The following L3MBTL3 variants were observed in gnomAD, a reference collection of about 807,000 sequenced individuals.
L3MBTL3 encodes the protein lethal(3)malignant brain tumor-like protein 3.
Under a neutral mutation model 102.3 loss-of-function variants are expected in L3MBTL3, and 27 were observed. The ratio of observed to expected loss-of-function variants is 0.26; its 90% CI spans 0.19 to 0.36. L3MBTL3 has a LOEUF of 0.36. Among genes scored for constraint, L3MBTL3 ranks in the 10% least tolerant of loss-of-function variants. The probability of loss-of-function intolerance (pLI) is 1.00; values close to 1 mark genes in which losing one functional copy is unlikely to be tolerated. For missense variants in L3MBTL3, 798 were observed against 955.3 expected (o/e 0.84, Z 2.17); for synonymous variants, 340 against 320.9 (o/e 1.06, Z -0.64).
At chr6:130,058,602 CA>C (rs1781682480) in intron 9 of L3MBTL3, among the ~76,000 whole-genome samples, 1 of 152,102 alleles carries the variant, frequency 6.6e-6, no homozygotes, top group Non-Finnish European at 1.5e-5. Flanking sequence ...AAACAAAACA[CA>C]TACAAAAACA....
At position 130,133,510 on chromosome 6, in the gene L3MBTL3, C is replaced by A. The variant is rs767433382; in HGVS notation, c.2025C>A (p.Ser675=). ...QAQRRSAVFL[S]FKSPIPCLPL... ...AGCGTCGGTCAGCTGTCTTTCTGTC[C>A]TTTAAGTCCCCAATTCCATGTCTGC... The change falls in exon 21 of 23, where the codon TCC becomes TCA. Residue 675 remains serine, a synonymous_variant. Coordinates refer to ENST00000361794, the MANE Select transcript of L3MBTL3 (RefSeq NM_032438.4). This position sits in a 1 kb window ranked among gnomAD's most constrained non-coding sequence, Gnocchi z 4.9. 6.2e-7 allele frequency: 1 copy of A among 1,614,170 alleles called. No homozygotes were observed. The highest frequency in any genetic ancestry group is 1.3e-5 in the African/African-American group (1 of 75,062).
chr6:130,036,031 G>T (rs893970829), intron 2 of L3MBTL3, among the ~76,000 whole-genome samples: 1 of 151,732 alleles, frequency 6.6e-6, no homozygotes, highest in Admixed American at 6.6e-5. Context: ...GTGGAATACA[G>T]GTGGATTGTG....
chr6:130,054,242 G>A (rs973435810), intron 7 of L3MBTL3, among the ~76,000 whole-genome samples: 6 of 152,230 alleles, frequency 3.9e-5, no homozygotes, highest in African/African-American at 1.4e-4. Flanking sequence ...GTTTAGGAGA[G>A]GGTGGAGTAA....
intron 1 of L3MBTL3, among the ~76,000 whole-genome samples, chr6:130,020,034 G>A (rs1778867275): frequency 6.9e-6 from 1 of 144,698 alleles, no homozygotes; most frequent in Non-Finnish European, 1.5e-5. Context: ...CTTGTGGGGG[G>A]AGGGTGGGGG....
chr6:130,078,474 A>G (rs192465849), intron 13 of L3MBTL3, 84 bp from the exon 14 acceptor site: 14 of 918,272 alleles, frequency 1.5e-5, no homozygotes, highest in African/African-American at 8.3e-5. Context: ...TAAAGTGCTC[A>G]TGATCTCTAG....
At position 130,133,829 on chromosome 6, in the gene L3MBTL3, A is replaced by G; in HGVS notation, c.2137-14A>G. ...GTGTTTTTTAACTGGGAATTTTGAT[A>G]TTGCTTTTGACAGGTGTCAGAATTT... On this transcript the variant is annotated splice_polypyrimidine_tract_variant and intron_variant, in intron 21 of 22. Transcript: ENST00000361794. The surrounding 1 kb of genome is among the most constrained non-coding windows in gnomAD (Gnocchi z 4.9). 13 of 1,608,016 alleles carry G rather than the reference A, an allele frequency of 8.1e-6. No individual in the cohort carries two copies. The highest frequency in any genetic ancestry group is 1.0e-5 in the Non-Finnish European group (12 of 1,174,582).
In L3MBTL3 at chr6:130,022,319, G is replaced by A. The variant is rs1013505045; in HGVS notation, c.-16+14G>A. On this transcript the variant is annotated intron_variant, in intron 2 of 22. Coordinates refer to ENST00000361794, the MANE Select transcript of L3MBTL3 (RefSeq NM_032438.4). ...CACCGCCGAAAGGTAAGACCCACTT[G>A]TTGAAATAAATTGCTTGACATACCT... 8 of 152,192 alleles carry A rather than the reference G, an allele frequency of 5.3e-5. No individual in the cohort carries two copies. Among genetic ancestry groups the A allele is most frequent in the African/African-American group, 1.9e-4 (8 of 41,452 alleles). The allele number at this position is 152,192 out of a possible 1,614,324, so 9.4% of individuals were successfully genotyped here.
intron 13 of L3MBTL3, among the ~76,000 whole-genome samples, chr6:130,077,854 C>A (rs77021130): frequency 0.011 from 1,722 of 152,232 alleles, 27 homozygotes; most frequent in African/African-American, 0.039. Flanking sequence ...CCAACATTTT[C>A]CAGACTATGT....
At position 130,049,826 on chromosome 6, in the gene L3MBTL3, C is replaced by A. The variant is rs777476582; in HGVS notation, c.285C>A (p.Pro95=). Residue 95 remains proline (P), a synonymous_variant, in exon 5 of 23, where the codon CCC becomes CCA. Transcript: ENST00000361794. ...ACTGGACATCTCCACCTGGATGTCCCACAGGTACCTCAAACTCCACATGTC... is the reference window on the plus strand; with the variant it reads ...ACTGGACATCTCCACCTGGATGTCCAACAGGTACCTCAAACTCCACATGTC... The part of the protein sequence containing the change: ...PAYWTSPPGC[P]TVFSEKTGMP... 2.5e-6 allele frequency: 4 copies of A among 1,611,986 alleles called. No homozygotes were observed. The highest frequency in any genetic ancestry group is 2.2e-5 in the South Asian group (2 of 90,734).
chr6:130,030,955 ATGTT>A (rs1376997331), intron 2 of L3MBTL3, among the ~76,000 whole-genome samples: 2 of 152,174 alleles, frequency 1.3e-5, no homozygotes, highest in Non-Finnish European at 2.9e-5. Flanking sequence ...GTGCCCCACC[ATGTT>A]TGTTTCCCTT....
At chr6:130,065,624 C>T (rs1562280112) in intron 10 of L3MBTL3, among the ~76,000 whole-genome samples, 4 of 152,172 alleles carry the variant, frequency 2.6e-5, no homozygotes, top group Non-Finnish European at 4.4e-5. Flanking sequence ...TGGCGTGATA[C>T]GTGTTTCTAC....
intron 2 of L3MBTL3, among the ~76,000 whole-genome samples, chr6:130,028,790 G>C (rs139836470): frequency 6.6e-6 from 1 of 152,176 alleles, no homozygotes; most frequent in Non-Finnish European, 1.5e-5. Context: ...TGTTTAAGAG[G>C]TTTGAATTTA....
intron 19 of L3MBTL3, among the ~76,000 whole-genome samples, chr6:130,105,653 A>G (rs1250098362): frequency 3.3e-5 from 5 of 152,040 alleles, no homozygotes; most frequent in Non-Finnish European, 7.4e-5. Flanking sequence ...ACTTTAAAAC[A>G]TATAACGGTT....
chr6:130,070,831 C>A, intron 12 of L3MBTL3, 145 bp from the exon 13 acceptor site: 1 of 312,560 alleles, frequency 3.2e-6, no homozygotes, highest in Non-Finnish European at 5.7e-6. Flanking sequence ...GAAAGCGACC[C>A]TGCTGTGAAA....
At chr6:130,066,610 T>C (rs1782277623) in intron 11 of L3MBTL3, 122 bp downstream of exon 11, 3 of 812,944 alleles carry the variant, frequency 3.7e-6, no homozygotes, top group African/African-American at 3.5e-5. Flanking sequence ...TTTAACCTTA[T>C]TGTTTATGAT....
At chr6:130,049,154 T>A in intron 3 of L3MBTL3, 128 bp from the exon 4 acceptor site, 1 of 625,532 alleles carries the variant, frequency 1.6e-6, no homozygotes, top group South Asian at 2.0e-5. Context: ...TGTATCAGGA[T>A]ATAATTGTCT....
chr6:130,088,620 C>T (rs1783840450), intron 16 of L3MBTL3, among the ~76,000 whole-genome samples: 1 of 152,082 alleles, frequency 6.6e-6, no homozygotes, highest in Admixed American at 6.6e-5. Context: ...TGGTTTTGCT[C>T]TCATTTATGT....
intron 9 of L3MBTL3, among the ~76,000 whole-genome samples, chr6:130,057,904 G>A (rs1430266737): frequency 6.6e-6 from 1 of 152,132 alleles, no homozygotes; most frequent in Non-Finnish European, 1.5e-5. Context: ...AGCACTTTGG[G>A]AGGCCGAGGC....
At chr6:130,122,373 C>T (rs529212232) in intron 20 of L3MBTL3, among the ~76,000 whole-genome samples, 21 of 152,294 alleles carry the variant, frequency 1.4e-4, no homozygotes, top group East Asian at 5.8e-4. Flanking sequence ...TTATGTAGCA[C>T]GGTGTACAAA....
Sources: allele counts gnomAD v4.1 joint callset (sites outside exome capture counted in the v4.1 genomes callset), GRCh38; gene constraint gnomAD v4.1.1; non-coding constraint Gnocchi (gnomAD v3.1); transcripts MANE v1.5; gene names NCBI Gene and HGNC (gene_info 2026-07-23, HGNC 2026-07-21).